Variants in DLGAP5 observed in about 807,000 individuals in gnomAD.
DLGAP5 encodes the protein disks large-associated protein 5.
Under a neutral mutation model 99.6 loss-of-function variants are expected in DLGAP5, and 90 were observed. The ratio of observed to expected loss-of-function variants is 0.90; its 90% confidence interval spans 0.76 to 1.08. The LOEUF (loss-of-function observed/expected upper bound fraction) is 1.08. DLGAP5 is among the 50% of genes least tolerant of loss of function. The probability of loss-of-function intolerance (pLI) is 0.00; values close to 1 mark genes in which losing one functional copy is unlikely to be tolerated. For missense variants in DLGAP5, 1,036 were observed against 983.5 expected, an observed-to-expected ratio of 1.05 and a Z score of -0.71; for synonymous variants, 311 against 321.3, an observed-to-expected ratio of 0.97 and a Z score of 0.34.
At chr14:55,169,293 A>G in intron 12 of DLGAP5, 106 bp downstream of exon 12, 1 of 667,074 alleles carries the variant, frequency 1.5e-6, no homozygotes, top group Non-Finnish European at 2.2e-6. Flanking sequence ...CTTATTTAAT[A>G]TTACAGGTAC....
At chr14:55,184,507 C>T (rs946142384) in intron 2 of DLGAP5, among the ~76,000 whole-genome samples, 1 of 152,202 alleles carries the variant, frequency 6.6e-6, no homozygotes, top group African/African-American at 2.4e-5. Context: ...ATCCTCACTT[C>T]CTGGTAGTCT....
In DLGAP5 at chr14:55,183,732, C is replaced by T. The variant is rs995322573; in HGVS notation, c.260G>A (p.Gly87Asp). 5.0e-6 allele frequency: 8 copies of T among 1,597,142 alleles called. No individual in the cohort carries two copies. In the African/African-American group the frequency reaches 6.8e-5, roughly 14 times the overall value. The change falls in exon 3 of 19, where the codon GGT becomes GAT. Residue 87 changes from glycine (G) to aspartate (D), a missense_variant. By Grantham distance (94) the Gly-to-Asp change is moderately conservative. Coordinates refer to ENST00000247191, the MANE Select transcript of DLGAP5 (RefSeq NM_014750.5). ...TTGGAGCATCTGTTTTCGTTGATCA[C>T]CTAGAATAGTTTTCATTGCCCCTAG... Reference protein sequence around the residue: ...VKPRAMKTILGDQRKQMLQKY... With the variant: ...VKPRAMKTILDDQRKQMLQKY...
intron 7 of DLGAP5, among the ~76,000 whole-genome samples, chr14:55,178,380 CA>C (rs1362210149): frequency 5.9e-5 from 9 of 152,138 alleles, no homozygotes; most frequent in Non-Finnish European, 8.8e-5. Flanking sequence ...AACACAAGAG[CA>C]ATACTTTCAA....
intron 9 of DLGAP5, 88 bp downstream of exon 9, chr14:55,175,806 G>T: frequency 8.6e-7 from 1 of 1,168,170 alleles, no homozygotes; most frequent in Non-Finnish European, 1.2e-6. Context: ...ATCCAGAAAA[G>T]TAAAAATGTA....
intron 5 of DLGAP5, among the ~76,000 whole-genome samples, 195 bp from the exon 6 acceptor site, chr14:55,180,973 T>G (rs1883253470): frequency 2.6e-5 from 4 of 151,962 alleles, no homozygotes; most frequent in Non-Finnish European, 5.9e-5. Context: ...AAAAATCAGC[T>G]GGGCATGGTG....
At chr14:55,191,325 G>C (rs1207219876) in intron 1 of DLGAP5, 138 bp downstream of exon 1, 1 of 152,558 alleles carries the variant, frequency 6.6e-6, no homozygotes, top group Non-Finnish European at 1.5e-5. Context: ...TATCAGCTTC[G>C]GGAAGGGCAG....
chr14:55,173,299 A>C (rs940584285), intron 10 of DLGAP5, among the ~76,000 whole-genome samples: 21 of 148,892 alleles, frequency 1.4e-4, no homozygotes, highest in East Asian at 1.2e-3. Context: ...AAAAAAAAAA[A>C]CACACACACA....
chr14:55,185,420 C>A (rs1225274263), intron 2 of DLGAP5, among the ~76,000 whole-genome samples: 1 of 152,056 alleles, frequency 6.6e-6, no homozygotes, highest in Non-Finnish European at 1.5e-5. Flanking sequence ...AGGGTGGTCT[C>A]GAACTCCTGA....
At chr14:55,173,385 C>A (rs572653995) in intron 10 of DLGAP5, among the ~76,000 whole-genome samples, 1 of 151,956 alleles carries the variant, frequency 6.6e-6, no homozygotes, top group East Asian at 1.9e-4. Context: ...GAGATCACAT[C>A]ACTGTACTCC....
At chr14:55,174,504 C>T (rs1882986041) in intron 10 of DLGAP5, among the ~76,000 whole-genome samples, 1 of 152,142 alleles carries the variant, frequency 6.6e-6, no homozygotes, top group African/African-American at 2.4e-5. Context: ...CTAATAAAAA[C>T]TTGCTGGTTT....
intron 2 of DLGAP5, among the ~76,000 whole-genome samples, chr14:55,185,078 A>G (rs1252445555): frequency 1.3e-5 from 2 of 152,210 alleles, no homozygotes; most frequent in Non-Finnish European, 2.9e-5. Context: ...TGTTGCCATT[A>G]TGAAGTTACA....
intron 18 of DLGAP5, 153 bp from the exon 19 acceptor site, chr14:55,148,626 G>T: frequency 6.6e-7 from 1 of 1,512,614 alleles, no homozygotes; most frequent in African/African-American, 1.4e-5. Context: ...GGCTGAGGTG[G>T]TAGGATCACT....
intron 4 of DLGAP5, among the ~76,000 whole-genome samples, chr14:55,182,103 T>C (rs1017010882): frequency 1.3e-5 from 2 of 152,184 alleles, no homozygotes; most frequent in Non-Finnish European, 2.9e-5. Context: ...TTCATGCAGG[T>C]AACTTGGAAT....
rs781335909 is a variant in DLGAP5, at chr14:55,182,413, C to T, written c.452G>A (p.Arg151Gln). 2.2e-5 allele frequency: 36 copies of T among 1,612,390 alleles called. No individual in the cohort carries two copies. In the African/African-American group the frequency reaches 2.5e-4, roughly 11 times the overall value. The change falls in exon 4 of 19, where the codon CGG becomes CAG. Residue 151 changes from arginine to glutamine, a missense_variant. Coordinates refer to ENST00000247191, the MANE Select transcript of DLGAP5 (RefSeq NM_014750.5). ...EPKKAIPSSVRITRSKAKDQM... is the reference protein window; with the variant it reads ...EPKKAIPSSVQITRSKAKDQM... ...GTCTTTGGCCTTTGACCTTGTAATC[C>T]GTACAGAAGATGGAATAGCCTTAGA...
intron 12 of DLGAP5, among the ~76,000 whole-genome samples, chr14:55,166,639 G>A (rs773776270): frequency 6.6e-6 from 1 of 151,912 alleles, no homozygotes; most frequent in African/African-American, 2.4e-5. Flanking sequence ...TGAGGCAGGA[G>A]AATCGCTTGA....
chr14:55,184,891 AC>A, intron 2 of DLGAP5, among the ~76,000 whole-genome samples: 1 of 152,340 alleles, frequency 6.6e-6, no homozygotes, highest in South Asian at 2.1e-4. Context: ...TTCCTGACCC[AC>A]AAAAATTGTA....
intron 2 of DLGAP5, among the ~76,000 whole-genome samples, chr14:55,188,488 T>C (rs1211430504): frequency 6.6e-6 from 1 of 152,202 alleles, no homozygotes; most frequent in Non-Finnish European, 1.5e-5. Flanking sequence ...CAATTTATCT[T>C]GTCAACACTT....
At position 55,175,460 on chromosome 14, in the gene DLGAP5, T is replaced by C. The variant is rs1883028164; in HGVS notation, c.1187A>G (p.Asn396Ser). ...LTVWHEEHVL[N>S]KNEATTKNLN... ...ATTTTTAGTAGTAGCTTCATTTTTA[T>C]TTAAAACATGTTCTATAAATTAAAG... is the stretch of plus-strand genomic sequence containing the variant. The change falls in exon 10 of 19, where the codon AAT (asparagine) becomes AGT (serine). Residue 396 changes from asparagine (N) to serine (S), a missense_variant. Asn to Ser is a conservative substitution (Grantham distance 46). Transcript: ENST00000247191. The C allele has an allele frequency of 7.6e-7, 1 of 1,317,088 alleles. No homozygotes were observed. Among genetic ancestry groups the C allele is most frequent in the South Asian group, 1.3e-5 (1 of 77,766 alleles). 81.6% of individuals were successfully genotyped at this position (1,317,088 alleles called of 1,614,324 possible).
chr14:55,172,794 C>T (rs73271796), intron 10 of DLGAP5, among the ~76,000 whole-genome samples: 10,076 of 151,578 alleles, frequency 0.066, 872 homozygotes, highest in African/African-American at 0.19. Context: ...CCAGCTTGAC[C>T]AACATGGTGA....
Sources: gnomAD v4.1 joint callset for allele counts (sites outside exome capture counted in the v4.1 genomes callset) on GRCh38, gnomAD v4.1.1 for gene constraint, MANE v1.5 for transcripts, NCBI Gene and HGNC (gene_info 2026-07-23, HGNC 2026-07-21) for gene names.